The following XKR4 variants were observed in gnomAD, a reference collection of about 807,000 sequenced individuals.
XKR4 encodes the protein XK related 4.
In XKR4, 12 loss-of-function variants were observed where a neutral mutation model predicts 53.9. The ratio of observed to expected loss-of-function variants is 0.22; its 90% CI spans 0.14 to 0.36. The LOEUF is 0.36. Among genes scored for constraint, XKR4 ranks in the 10% least tolerant of loss-of-function variants. The probability of loss-of-function intolerance (pLI) is 1.00; values close to 1 mark genes in which losing one functional copy is unlikely to be tolerated. For missense variants in XKR4, 799 were observed against 859.5 expected (o/e 0.93, Z 0.88); for synonymous variants, 354 against 362.4 (o/e 0.98, Z 0.26).
chr8:55,468,367 A>G (rs1427788543), intron 2 of XKR4, among the ~76,000 whole-genome samples: 1 of 152,146 alleles, frequency 6.6e-6, no homozygotes, highest in Non-Finnish European at 1.5e-5. Context: ...GAAAACAGAC[A>G]GAAGTATGAA....
intron 2 of XKR4, among the ~76,000 whole-genome samples, chr8:55,384,235 ATG>A (rs1374641731): frequency 6.6e-6 from 1 of 152,212 alleles, no homozygotes; most frequent in Non-Finnish European, 1.5e-5. Context: ...GTTTGGAAGA[ATG>A]TGTTGGAGTC....
intron 2 of XKR4, among the ~76,000 whole-genome samples, chr8:55,474,406 C>G (rs1585594304): frequency 6.6e-6 from 1 of 152,146 alleles, no homozygotes; most frequent in Non-Finnish European, 1.5e-5. Flanking sequence ...GCCTTTCTAA[C>G]TCTCTACATA....
intron 1 of XKR4, among the ~76,000 whole-genome samples, chr8:55,302,017 A>G (rs1417997550): frequency 1.3e-5 from 2 of 152,148 alleles, no homozygotes; most frequent in African/African-American, 4.8e-5. Context: ...CCATTTGTCA[A>G]TTATGGCTTT....
chr8:55,342,217 G>A (rs1334631377), intron 1 of XKR4, among the ~76,000 whole-genome samples: 1 of 151,954 alleles, frequency 6.6e-6, no homozygotes, highest in Non-Finnish European at 1.5e-5. Flanking sequence ...TGTCTTCCAT[G>A]AGTATTACAA....
intron 2 of XKR4, among the ~76,000 whole-genome samples, chr8:55,434,152 A>T (rs1193010286): frequency 2.0e-5 from 3 of 152,226 alleles, no homozygotes; most frequent in Non-Finnish European, 4.4e-5. Context: ...TAAAATGTGG[A>T]ATATGACCAC....
chr8:55,512,858 G>A (rs72649514), intron 2 of XKR4, among the ~76,000 whole-genome samples: 1 of 151,994 alleles, frequency 6.6e-6, no homozygotes, highest in Non-Finnish European at 1.5e-5. Flanking sequence ...TGTTCTTTCT[G>A]CCTTCCTCTC....
intron 1 of XKR4, among the ~76,000 whole-genome samples, chr8:55,182,051 ATTC>A (rs1382494569): frequency 3.9e-5 from 6 of 152,044 alleles, no homozygotes; most frequent in Admixed American, 6.6e-5. Context: ...GCTATCCATT[ATTC>A]TTTTTTGAAG....
chr8:55,175,095 G>A (rs895554796), intron 1 of XKR4, among the ~76,000 whole-genome samples: 2 of 152,166 alleles, frequency 1.3e-5, no homozygotes, highest in African/African-American at 4.8e-5. Flanking sequence ...ATAAGATGCT[G>A]TTGCATTTGG....
chr8:55,501,816 C>T (rs1806443394), intron 2 of XKR4, among the ~76,000 whole-genome samples: 1 of 152,016 alleles, frequency 6.6e-6, no homozygotes, highest in Admixed American at 6.5e-5. Flanking sequence ...TTTTGAGTCC[C>T]TGCTTTCAGT....
chr8:55,386,430 G>C (rs1355503703), intron 2 of XKR4, among the ~76,000 whole-genome samples: 1 of 152,182 alleles, frequency 6.6e-6, no homozygotes, highest in Admixed American at 6.5e-5. Context: ...TTTTATAAAA[G>C]TCTTACCTAA....
chr8:55,481,583 G>T (rs1585598692), intron 2 of XKR4, among the ~76,000 whole-genome samples: 1 of 152,130 alleles, frequency 6.6e-6, no homozygotes, highest in African/African-American at 2.4e-5. Flanking sequence ...CACAGCAAAA[G>T]AAACTACCAT....
At chr8:55,201,381 G>C (rs1817575709) in intron 1 of XKR4, among the ~76,000 whole-genome samples, 1 of 152,200 alleles carries the variant, frequency 6.6e-6, no homozygotes, top group South Asian at 2.1e-4. Flanking sequence ...GATAATGCAA[G>C]CTTAGTTTAA....
intron 1 of XKR4, among the ~76,000 whole-genome samples, chr8:55,153,459 G>T (rs912529239): frequency 3.9e-5 from 6 of 152,158 alleles, no homozygotes; most frequent in Non-Finnish European, 7.3e-5. Flanking sequence ...ATTTCAGCCT[G>T]CCAGAGAAAA....
intron 2 of XKR4, chr8:55,450,610 C>A: frequency 4.2e-6 from 3 of 711,788 alleles, no homozygotes; most frequent in Non-Finnish European, 7.6e-6. Context: ...CCATGGGGAA[C>A]TGCAGGTGGA....
chr8:55,457,852 G>A (rs777524686), intron 2 of XKR4, among the ~76,000 whole-genome samples: 11 of 151,950 alleles, frequency 7.2e-5, no homozygotes, highest in South Asian at 2.1e-4. Context: ...TATTTATGAC[G>A]GTAATAATCA....
chr8:55,375,463 G>A (rs1247822451), intron 2 of XKR4, among the ~76,000 whole-genome samples: 3 of 152,128 alleles, frequency 2.0e-5, no homozygotes, highest in Non-Finnish European at 4.4e-5. Flanking sequence ...GAGGTGAAAT[G>A]TTACCTCTTC....
At chr8:55,222,774 A>G (rs1188584049) in intron 1 of XKR4, among the ~76,000 whole-genome samples, 1 of 152,144 alleles carries the variant, frequency 6.6e-6, no homozygotes, top group Non-Finnish European at 1.5e-5. Flanking sequence ...TTCTCTGAGG[A>G]CATTTTGATT....
At chr8:55,338,408 G>A (rs938263179) in intron 1 of XKR4, among the ~76,000 whole-genome samples, 4 of 152,186 alleles carry the variant, frequency 2.6e-5, no homozygotes, top group Non-Finnish European at 4.4e-5. Flanking sequence ...CCAAGAAAGC[G>A]GCAATGGCTA....
At chr8:55,223,417 A>C (rs1305956528) in intron 1 of XKR4, among the ~76,000 whole-genome samples, 1 of 152,216 alleles carries the variant, frequency 6.6e-6, no homozygotes, top group Non-Finnish European at 1.5e-5. Flanking sequence ...TTACAAGATA[A>C]AAATGTGACT....
Sources: gnomAD v4.1 joint callset for allele counts (sites outside exome capture counted in the v4.1 genomes callset) on GRCh38, gnomAD v4.1.1 for gene constraint, MANE v1.5 for transcripts, NCBI Gene and HGNC (gene_info 2026-07-23, HGNC 2026-07-21) for gene names.